TPCN1: variants seen among roughly 807,000 people sequenced by gnomAD.
The protein encoded by TPCN1 is two pore channel protein 1.
A neutral mutation model predicts 108.8 loss-of-function variants in TPCN1; 52 were observed. That is an observed-to-expected ratio of 0.48 (90% CI 0.38 to 0.60). TPCN1 has a LOEUF of 0.60. TPCN1 is among the 20% of genes least tolerant of loss of function. TPCN1 has a pLI of 0.00. For missense variants in TPCN1, 806 were observed against 1,072.8 expected, an observed-to-expected ratio of 0.75 and a Z score of 3.47; for synonymous variants, 446 against 433.7, an observed-to-expected ratio of 1.03 and a Z score of -0.35.
intron 2 of TPCN1, chr12:113,245,973 C>T (rs926592169): frequency 2.2e-6 from 1 of 455,964 alleles, no homozygotes; most frequent in East Asian, 6.9e-5. Context: ...GGGTCATTTC[C>T]GATGTGGCGT....
chr12:113,252,180 G>A (rs1051709671), intron 2 of TPCN1, among the ~76,000 whole-genome samples: 1 of 152,120 alleles, frequency 6.6e-6, no homozygotes, highest in Non-Finnish European at 1.5e-5. Flanking sequence ...GGGGAAGAGG[G>A]ACTATCTCTC....
At chr12:113,239,968 C>T (rs1038958420) in intron 2 of TPCN1, among the ~76,000 whole-genome samples, 1 of 152,124 alleles carries the variant, frequency 6.6e-6, no homozygotes, top group Non-Finnish European at 1.5e-5. Flanking sequence ...CTGCCGGCTG[C>T]GCTGCCTTTC....
chr12:113,236,252 A>G (rs912311377), intron 2 of TPCN1, among the ~76,000 whole-genome samples: 1 of 152,170 alleles, frequency 6.6e-6, no homozygotes, highest in Non-Finnish European at 1.5e-5. Flanking sequence ...CTGTGTTTTA[A>G]GAGGCTGCAT....
At chr12:113,248,473 A>G (rs1954489895) in intron 2 of TPCN1, among the ~76,000 whole-genome samples, 1 of 152,248 alleles carries the variant, frequency 6.6e-6, no homozygotes, top group South Asian at 2.1e-4. Flanking sequence ...AGGAAGCCTC[A>G]GCGCTTTGAG....
chr12:113,252,868 A>C (rs1255165312), intron 2 of TPCN1, among the ~76,000 whole-genome samples: 2 of 152,142 alleles, frequency 1.3e-5, no homozygotes, highest in Non-Finnish European at 2.9e-5. Flanking sequence ...CAGGGTAGGG[A>C]ATGCTACTCT....
Position 113,288,622 on chromosome 12 carries a change from GCAGGCA to G in TPCN1, c.1707-134_1707-129del. On this transcript the variant is annotated intron_variant, in intron 20 of 27. Coordinates refer to ENST00000335509, the MANE Select transcript of TPCN1 (RefSeq NM_017901.6). This position sits in a 1 kb window ranked among gnomAD's most constrained non-coding sequence, Gnocchi z 4.8. ...AGCTGCCCCACGAGGCCCCTTCCCCGCAGGCACTTTCCAGTTGGTGAACCGACCAGG... is the reference window on the plus strand; with the variant it reads ...AGCTGCCCCACGAGGCCCCTTCCCCGCTTTCCAGTTGGTGAACCGACCAGG... 6.6e-7 allele frequency: 1 copy of G among 1,523,262 alleles called. No individual in the cohort carries two copies. Among genetic ancestry groups the G allele is most frequent in the South Asian group, 1.2e-5 (1 of 80,048 alleles). The allele number at this position is 1,523,262 out of a possible 1,614,324, so 94.4% of individuals were successfully genotyped here.
intron 21 of TPCN1, 41 bp from the exon 22 acceptor site, chr12:113,290,087 C>A: frequency 7.5e-7 from 1 of 1,325,686 alleles, no homozygotes; most frequent in Non-Finnish European, 1.1e-6. Context: ...TGACTGATCG[C>A]CTTGTGACCC....
In TPCN1 at chr12:113,223,435, CTTTTTT is replaced by C. The variant is rs1172851714; in HGVS notation, c.-126+1821_-126+1826del. On this transcript the variant is annotated intron_variant, in intron 1 of 27. Coordinates refer to ENST00000335509, the MANE Select transcript of TPCN1 (RefSeq NM_017901.6). Reference sequence around the variant, plus strand: ...AGGTCTGCAGTCAGATCTGCTGAGTCTTTTTTTTTTTTTTTTTGGTTCTTCTCAGCG... The same window carrying C: ...AGGTCTGCAGTCAGATCTGCTGAGTCTTTTTTTTTTTGGTTCTTCTCAGCG... 1.7e-4 allele frequency among the ~76,000 whole-genome samples: 20 copies of C among 120,294 alleles called. No individual in the cohort carries two copies. In the Middle Eastern group the frequency reaches 0.013, roughly 78 times the overall value. 78.9% of individuals were successfully genotyped at this position (120,294 alleles called of 152,430 possible).
At chr12:113,245,445 C>CA (rs1954325562) in intron 2 of TPCN1, among the ~76,000 whole-genome samples, 1 of 146,356 alleles carries the variant, frequency 6.8e-6, no homozygotes, top group Admixed American at 6.8e-5. Context: ...AAAAAAAATA[C>CA]AAAAAATTAG....
At chr12:113,281,057 C>A (rs1955871191) in intron 15 of TPCN1, among the ~76,000 whole-genome samples, 1 of 148,726 alleles carries the variant, frequency 6.7e-6, no homozygotes, top group Admixed American at 6.7e-5. Flanking sequence ...ATTCTCAATC[C>A]TTTTTTTTTT....
intron 2 of TPCN1, among the ~76,000 whole-genome samples, chr12:113,253,653 A>G (rs1284813805): frequency 6.6e-6 from 1 of 152,152 alleles, no homozygotes; most frequent in Admixed American, 6.5e-5. Context: ...TCGGTTCCAC[A>G]AGTAAGTGCC....
chr12:113,293,167 A>G, intron 26 of TPCN1, 94 bp downstream of exon 26: 1 of 1,603,146 alleles, frequency 6.2e-7, no homozygotes, highest in Non-Finnish European at 8.5e-7. Flanking sequence ...ATTTTGAGTG[A>G]CACAGTTGCA....
Position 113,269,969 on chromosome 12 carries a change from G to A in TPCN1, c.748+124G>A, listed in dbSNP as rs1955426546. The A allele has an allele frequency of 3.2e-5, 32 of 1,015,542 alleles. 1 individual carries two copies. In the South Asian group the frequency reaches 4.3e-4, roughly 14 times the overall value. 62.9% of individuals were successfully genotyped at this position (1,015,542 alleles called of 1,614,324 possible). A position where few individuals can be genotyped will look rare whatever the true frequency, so the allele number is the denominator to read the frequency against. ...CCTAGCATTTTGGGAGGCCAAGGTGGGTGGGTAACCTAGGTCAGGAGTTTG... is the reference window on the plus strand; with the variant it reads ...CCTAGCATTTTGGGAGGCCAAGGTGAGTGGGTAACCTAGGTCAGGAGTTTG... On this transcript the variant is annotated intron_variant, in intron 7 of 27. Transcript: ENST00000335509. This position sits in a 1 kb window ranked among gnomAD's most constrained non-coding sequence, Gnocchi z 5.0.
At chr12:113,238,767 T>C (rs548369440) in intron 2 of TPCN1, among the ~76,000 whole-genome samples, 1 of 152,310 alleles carries the variant, frequency 6.6e-6, no homozygotes, top group African/African-American at 2.4e-5. Context: ...GATTTGATGA[T>C]TGAATCAGAG....
chr12:113,284,216 A>C lies in TPCN1; in HGVS notation c.1343-365A>C, dbSNP rs1323639267. ...TGCAGTTTTTCTAAAGAGTTCATGC[A>C]ATTATTTTAAAATTAGAAGTCTCTA... On this transcript the variant is annotated intron_variant, in intron 15 of 27. Transcript: ENST00000335509. This position sits in a 1 kb window ranked among gnomAD's most constrained non-coding sequence, Gnocchi z 4.1. Among the ~76,000 whole-genome samples the C allele has an allele frequency of 6.6e-6, 1 of 152,226 alleles. No individual in the cohort carries two copies. Among genetic ancestry groups the C allele is most frequent in the Non-Finnish European group, 1.5e-5 (1 of 68,042 alleles).
intron 1 of TPCN1, among the ~76,000 whole-genome samples, chr12:113,224,066 T>C (rs1953376191): frequency 6.6e-6 from 1 of 152,206 alleles, no homozygotes; most frequent in Admixed American, 6.5e-5. Flanking sequence ...GTATTTTAAA[T>C]CTGTATATAT....
In TPCN1 at chr12:113,273,667, T is replaced by C; in HGVS notation, c.941T>C (p.Leu314Pro). The C allele has an allele frequency of 1.9e-6, 3 of 1,613,424 alleles. No homozygotes were observed. The highest frequency in any genetic ancestry group is 2.5e-6 in the Non-Finnish European group (3 of 1,179,354). The change falls in exon 10 of 28, where the codon CTG becomes CCG. Residue 314 changes from leucine to proline, a missense_variant and splice_region_variant. Transcript: ENST00000335509. The surrounding 1 kb of genome is among the most constrained non-coding windows in gnomAD (Gnocchi z 4.0). ...ATCGAGCTGTATTTCATCATGAACCTGGTGAGTGACTATGCCTCAGGCTAC... is the reference window on the plus strand; with the variant it reads ...ATCGAGCTGTATTTCATCATGAACCCGGTGAGTGACTATGCCTCAGGCTAC... Reference protein sequence around the residue: ...LSIELYFIMNLLLAVVFDTFN... With the variant: ...LSIELYFIMNPLLAVVFDTFN...
rs757215765 is a variant in TPCN1 at position 113,273,032 on chromosome 12, C to A, written c.784-200C>A. On this transcript the variant is annotated intron_variant, in intron 8 of 27. Coordinates refer to ENST00000335509, the MANE Select transcript of TPCN1 (RefSeq NM_017901.6). This position sits in a 1 kb window ranked among gnomAD's most constrained non-coding sequence, Gnocchi z 4.0. ...AAAGTCCCCCCAAGTCAATAGTTTGCTTCTGCCGGAAGCATCAGGTGCAGG... is the reference window on the plus strand; with the variant it reads ...AAAGTCCCCCCAAGTCAATAGTTTGATTCTGCCGGAAGCATCAGGTGCAGG... Among the ~76,000 whole-genome samples the A allele has an allele frequency of 6.6e-6, 1 of 152,224 alleles. No individual in the cohort carries two copies.
intron 2 of TPCN1, among the ~76,000 whole-genome samples, chr12:113,246,396 TC>T (rs1009437706): frequency 6.6e-6 from 1 of 152,204 alleles, no homozygotes; most frequent in African/African-American, 2.4e-5. Flanking sequence ...CGTGGAACTT[TC>T]CCCAGAGGCC....
Sources: gnomAD v4.1 joint callset for allele counts (sites outside exome capture counted in the v4.1 genomes callset) on GRCh38, gnomAD v4.1.1 for gene constraint, Gnocchi (gnomAD v3.1) non-coding constraint, MANE v1.5 for transcripts, NCBI Gene and HGNC (gene_info 2026-07-23, HGNC 2026-07-21) for gene names.